Variants in ANK3 observed in about 807,000 individuals in gnomAD.
ANK3 encodes the protein ankyrin-3.
In ANK3, 57 loss-of-function variants were observed where a neutral mutation model predicts 370.9. The observed-to-expected ratio is 0.15, with a 90% CI of 0.12 to 0.19. The LOEUF is 0.19. Ranked by LOEUF, ANK3 falls within the 10% of genes least tolerant of loss-of-function variation. ANK3 has a pLI of 1.00. For synonymous variants in ANK3, 1,929 were observed against 1,946.3 expected, an observed-to-expected ratio of 0.99 and a Z score of 0.23; for missense variants, 4,439 against 5,302.1, an observed-to-expected ratio of 0.84 and a Z score of 5.06.
At chr10:60,144,311 T>G (rs2094707277) in intron 23 of ANK3, 2 of 365,230 alleles carry the variant, frequency 5.5e-6, no homozygotes, top group Non-Finnish European at 1.0e-5. Context: ...TAAATTAGAG[T>G]TAGCTCTGTA....
intron 1 of ANK3, among the ~76,000 whole-genome samples, chr10:60,629,591 C>G (rs2078455308): frequency 6.6e-6 from 1 of 152,028 alleles, no homozygotes; most frequent in African/African-American, 2.4e-5. Context: ...AAACCCATAG[C>G]AACAGAGAGT....
At position 60,068,967 on chromosome 10, in the gene ANK3, T is replaced by C. The variant is rs751204180; in HGVS notation, c.11914A>G (p.Thr3972Ala). Residue 3972 changes from threonine to alanine, a missense_variant, in exon 37 of 44, where the codon ACC (threonine) becomes GCC (alanine). Around this residue, in one of 13 missense-constraint regions of ANK3, gnomAD observed 496 missense variants for 529.3 expected, o/e 0.94. Coordinates refer to ENST00000280772, the MANE Select transcript of ANK3 (RefSeq NM_020987.5). ...CAGCTGGTGGTGGTGGTAGTGGTGG[T>C]AGTGGTGGTGGTGGTGGCAGTGGTG... ...TTTTATTTTTTTTTTTTSCTV... is the reference protein window; with the variant it reads ...TTTTATTTTTATTTTTTSCTV... The C allele has an allele frequency of 2.5e-6, 4 of 1,613,628 alleles. No homozygotes were observed. Among genetic ancestry groups the C allele is most frequent in the East Asian group, 2.2e-5 (1 of 44,830 alleles).
intron 2 of ANK3, among the ~76,000 whole-genome samples, chr10:60,601,980 T>G (rs1264837546): frequency 6.6e-6 from 1 of 152,202 alleles, no homozygotes; most frequent in Non-Finnish European, 1.5e-5. Context: ...AAAAAGCCTG[T>G]GTGCACAAAC....
At chr10:60,171,673 G>A (rs1347725710) in intron 21 of ANK3, among the ~76,000 whole-genome samples, 1 of 152,168 alleles carries the variant, frequency 6.6e-6, no homozygotes, top group Non-Finnish European at 1.5e-5. Flanking sequence ...GATGGGGTTG[G>A]AAAGAAATGA....
At chr10:60,701,836 C>T (rs185107708) in intron 1 of ANK3, among the ~76,000 whole-genome samples, 8 of 151,998 alleles carry the variant, frequency 5.3e-5, no homozygotes, top group East Asian at 1.9e-4. Flanking sequence ...TAGCCTATTA[C>T]GTTTAAAACT....
intron 1 of ANK3, among the ~76,000 whole-genome samples, chr10:60,700,636 C>T (rs2079533148): frequency 6.6e-6 from 1 of 152,076 alleles, no homozygotes; most frequent in African/African-American, 2.4e-5. Flanking sequence ...ACCAAGCAAG[C>T]AAAATACAAA....
At chr10:60,403,569 C>T (rs10994329) in intron 2 of ANK3, among the ~76,000 whole-genome samples, 1 of 152,066 alleles carries the variant, frequency 6.6e-6, no homozygotes, top group Non-Finnish European at 1.5e-5. Flanking sequence ...AAAGTATTGG[C>T]CCTTTTTAAT....
chr10:60,121,395 A>G (rs1053807914), intron 25 of ANK3, among the ~76,000 whole-genome samples: 29 of 132,206 alleles, frequency 2.2e-4, no homozygotes, highest in African/African-American at 5.7e-4. Flanking sequence ...AAAAAAAAAA[A>G]GGAAGAATGA....
chr10:60,409,466 T>C (rs1173398639), intron 2 of ANK3, among the ~76,000 whole-genome samples: 1 of 152,232 alleles, frequency 6.6e-6, no homozygotes, highest in Admixed American at 6.5e-5. Context: ...TAAAAAGATG[T>C]ATACATAAAG....
chr10:60,488,657 C>A (rs1478399805), intron 2 of ANK3, among the ~76,000 whole-genome samples: 1 of 152,168 alleles, frequency 6.6e-6, no homozygotes, highest in Non-Finnish European at 1.5e-5. Context: ...TGAATGGAAT[C>A]ATAAATCATA....
intron 39 of ANK3, among the ~76,000 whole-genome samples, chr10:60,063,629 G>A (rs1000803413): frequency 6.6e-6 from 1 of 152,152 alleles, no homozygotes; most frequent in African/African-American, 2.4e-5. Flanking sequence ...GTTGACACAG[G>A]CAAACCCATA....
At chr10:60,716,602 C>T (rs2079793241) in intron 1 of ANK3, among the ~76,000 whole-genome samples, 1 of 152,174 alleles carries the variant, frequency 6.6e-6, no homozygotes, top group Non-Finnish European at 1.5e-5. Flanking sequence ...CAACCTCCAC[C>T]TCCTGGGCTC....
chr10:60,551,443 C>T (rs2077085930), intron 2 of ANK3, among the ~76,000 whole-genome samples: 2 of 151,984 alleles, frequency 1.3e-5, no homozygotes, highest in Non-Finnish European at 2.9e-5. Flanking sequence ...TTTTGGGATG[C>T]CATTTACAAA....
At chr10:60,493,026 G>T (rs2075560834) in intron 2 of ANK3, among the ~76,000 whole-genome samples, 1 of 147,808 alleles carries the variant, frequency 6.8e-6, no homozygotes, top group Non-Finnish European at 1.5e-5. Flanking sequence ...GTTGCAGTGA[G>T]CCAAGATTGT....
At chr10:60,511,480 T>TC (rs1219646293) in intron 2 of ANK3, among the ~76,000 whole-genome samples, 2 of 152,142 alleles carry the variant, frequency 1.3e-5, no homozygotes, top group Non-Finnish European at 2.9e-5. Flanking sequence ...CTAACAAAGT[T>TC]CCATCTCTGA....
At chr10:60,575,194 TA>T (rs1460208194) in intron 2 of ANK3, among the ~76,000 whole-genome samples, 1 of 152,218 alleles carries the variant, frequency 6.6e-6, no homozygotes, top group Non-Finnish European at 1.5e-5. Context: ...ATTGATCGAA[TA>T]AACATGAATT....
At chr10:60,276,064 C>A (rs1452426574) in intron 4 of ANK3, among the ~76,000 whole-genome samples, 1 of 152,102 alleles carries the variant, frequency 6.6e-6, no homozygotes, top group Non-Finnish European at 1.5e-5. Context: ...AAAGAGTTAA[C>A]TTGTTAAGAC....
Position 60,084,687 on chromosome 10 carries a change from C to A in ANK3, c.3989G>T (p.Cys1330Phe). ...CACTTTGTCATCTGTCATGCAGAAA[C>A]ATCGCAAGGAAGATTCTACGGGATC... ...MNDPVESSLR[C>F]FCMTDDKVDK... is the part of the protein sequence containing the mutation. The change falls in exon 32 of 44, where the codon TGT becomes TTT. Residue 1330 changes from cysteine (C) to phenylalanine (F), a missense_variant. Coordinates refer to ENST00000280772, the MANE Select transcript of ANK3 (RefSeq NM_020987.5). The A allele has an allele frequency of 1.2e-6, 2 of 1,613,860 alleles. No homozygotes were observed. Among genetic ancestry groups the A allele is most frequent in the Non-Finnish European group, 1.7e-6 (2 of 1,179,918 alleles).
chr10:60,282,781 G>A (rs894948959), intron 1 of ANK3, among the ~76,000 whole-genome samples: 1 of 152,034 alleles, frequency 6.6e-6, no homozygotes, highest in African/African-American at 2.4e-5. Flanking sequence ...GCCCTGTTAC[G>A]TATCAACATG....
Sources: allele counts gnomAD v4.1 joint callset (sites outside exome capture counted in the v4.1 genomes callset), GRCh38; gene constraint gnomAD v4.1.1; regional missense constraint gnomAD v4.1.1; transcripts MANE v1.5; gene names NCBI Gene and HGNC (gene_info 2026-07-23, HGNC 2026-07-21).